Variants in NARS2 observed in about 807,000 individuals in gnomAD.
The protein encoded by NARS2 is asparaginyl-tRNA synthetase 2, mitochondrial, also known as asparaginyl-tRNA synthetase.
In NARS2, 60 loss-of-function variants were observed where a neutral mutation model predicts 62.9. That is an observed-to-expected ratio of 0.95 (90% CI 0.77 to 1.18). NARS2 has a LOEUF of 1.18. Ranked by LOEUF, NARS2 falls within the 50% of genes most tolerant of loss-of-function variation. The pLI is 0.00. For missense variants in NARS2, 619 were observed against 576.4 expected (o/e 1.07, Z -0.76); for synonymous variants, 196 against 200.0 (o/e 0.98, Z 0.17).
chr11:78,519,409 C>T (rs924902877), intron 6 of NARS2, among the ~76,000 whole-genome samples: 1 of 151,976 alleles, frequency 6.6e-6, no homozygotes, highest in African/African-American at 2.4e-5. Flanking sequence ...ACTGATTTTT[C>T]AAATCTGAAA....
chr11:78,554,244 T>C (rs1856245451), intron 5 of NARS2, among the ~76,000 whole-genome samples: 1 of 152,190 alleles, frequency 6.6e-6, no homozygotes, highest in East Asian at 1.9e-4. Flanking sequence ...ATCTTGGCTA[T>C]CTGGGCTCTG....
At chr11:78,494,326 C>A (rs1859961536) in intron 6 of NARS2, among the ~76,000 whole-genome samples, 1 of 152,092 alleles carries the variant, frequency 6.6e-6, no homozygotes, top group Admixed American at 6.5e-5. Context: ...TTTGTTAGAA[C>A]AAAGCAAGCT....
chr11:78,459,424 C>T (rs1357496354), intron 11 of NARS2, among the ~76,000 whole-genome samples: 1 of 150,804 alleles, frequency 6.6e-6, no homozygotes, highest in African/African-American at 2.5e-5. Context: ...GTGTGTACCA[C>T]CACGCCCAGC....
rs1404639387 is a variant in NARS2, at chr11:78,574,826, T to G, written c.-338A>C. Reference sequence around the variant, plus strand: ...GGGCCGCAACACGCGCAACCACTCCTACCACACCACGCCAACGCCGCTTAC... The same window carrying G: ...GGGCCGCAACACGCGCAACCACTCCGACCACACCACGCCAACGCCGCTTAC... On this transcript the variant is annotated 5_prime_UTR_variant, in exon 1 of 14. Coordinates refer to ENST00000281038, the MANE Select transcript of NARS2 (RefSeq NM_024678.6). 1.4e-5 allele frequency: 4 copies of G among 280,482 alleles called. No homozygotes were observed. The highest frequency in any genetic ancestry group is 2.0e-5 in the Non-Finnish European group (3 of 147,314). 17.4% of individuals were successfully genotyped at this position (280,482 alleles called of 1,614,324 possible).
chr11:78,465,812 A>G, intron 11 of NARS2, 64 bp downstream of exon 11: 1 of 1,525,194 alleles, frequency 6.6e-7, no homozygotes, highest in Admixed American at 1.7e-5. Flanking sequence ...AAAAGATCAC[A>G]AAGGCTAAAT....
At chr11:78,442,871 G>A (rs1194972644) in intron 12 of NARS2, among the ~76,000 whole-genome samples, 1 of 152,182 alleles carries the variant, frequency 6.6e-6, no homozygotes, top group Non-Finnish European at 1.5e-5. Context: ...TTACATAGAA[G>A]AGAATCTGAG....
intron 12 of NARS2, among the ~76,000 whole-genome samples, chr11:78,441,547 C>T (rs987836160): frequency 1.3e-5 from 2 of 151,964 alleles, no homozygotes; most frequent in Non-Finnish European, 2.9e-5. Flanking sequence ...CCCATCTCTA[C>T]TAAAAATACA....
chr11:78,481,257 G>A (rs1859343478), intron 7 of NARS2, among the ~76,000 whole-genome samples: 2 of 152,252 alleles, frequency 1.3e-5, no homozygotes, highest in South Asian at 4.1e-4. Context: ...GGGTGAGAGG[G>A]GTATAGGGGT....
chr11:78,502,991 CAAA>C (rs550751384), intron 6 of NARS2, among the ~76,000 whole-genome samples: 4 of 82,954 alleles, frequency 4.8e-5, no homozygotes, highest in Admixed American at 1.4e-4. Context: ...GAGACTGTCT[CAAA>C]AAAAAAAAAA....
At chr11:78,464,568 C>A (rs910215416) in intron 11 of NARS2, among the ~76,000 whole-genome samples, 1 of 152,078 alleles carries the variant, frequency 6.6e-6, no homozygotes, top group Non-Finnish European at 1.5e-5. Flanking sequence ...CAAGTCCCCA[C>A]CAGAGTAGCT....
chr11:78,479,736 G>A (rs1464030958), intron 7 of NARS2, among the ~76,000 whole-genome samples: 1 of 152,188 alleles, frequency 6.6e-6, no homozygotes. Flanking sequence ...TTAAAGGCAG[G>A]TATCTTCTCT....
chr11:78,487,703 C>T (rs900569917), intron 7 of NARS2, among the ~76,000 whole-genome samples: 5 of 151,778 alleles, frequency 3.3e-5, no homozygotes, highest in Non-Finnish European at 7.4e-5. Context: ...TGAAAGAAAC[C>T]GAGAAAAATG....
intron 5 of NARS2, among the ~76,000 whole-genome samples, chr11:78,534,760 A>C (rs1268703175): frequency 6.6e-6 from 1 of 152,186 alleles, no homozygotes; most frequent in South Asian, 2.1e-4. Context: ...CTCAGTAAAT[A>C]TTTCTTCAAT....
chr11:78,537,213 G>C (rs1472314832), intron 5 of NARS2, among the ~76,000 whole-genome samples: 1 of 152,180 alleles, frequency 6.6e-6, no homozygotes, highest in East Asian at 1.9e-4. Context: ...GATGCAGAGA[G>C]AGTGTGTGTG....
At chr11:78,456,046 A>G (rs570168331) in intron 11 of NARS2, among the ~76,000 whole-genome samples, 96 of 152,272 alleles carry the variant, frequency 6.3e-4, no homozygotes, top group African/African-American at 2.1e-3. Flanking sequence ...CTAATCTTAC[A>G]AAGTTAATCT....
intron 5 of NARS2, among the ~76,000 whole-genome samples, chr11:78,554,202 C>T (rs548791928): frequency 6.6e-6 from 1 of 152,182 alleles, no homozygotes; most frequent in African/African-American, 2.4e-5. Context: ...TTAGGATTGC[C>T]TTGGCTATCT....
intron 13 of NARS2, among the ~76,000 whole-genome samples, chr11:78,437,890 G>A (rs976172920): frequency 2.0e-5 from 3 of 147,882 alleles, no homozygotes; most frequent in African/African-American, 5.0e-5. Context: ...CAGAGGAGTC[G>A]CTTGAACCTG....
chr11:78,477,216 C>T (rs1859137698), intron 9 of NARS2, among the ~76,000 whole-genome samples: 1 of 152,116 alleles, frequency 6.6e-6, no homozygotes, highest in South Asian at 2.1e-4. Flanking sequence ...TTAATGACCA[C>T]TTTTATCAAT....
chr11:78,494,535 C>T (rs1366322945), intron 6 of NARS2, among the ~76,000 whole-genome samples: 2 of 146,630 alleles, frequency 1.4e-5, no homozygotes, highest in African/African-American at 5.0e-5. Context: ...TGGTGAAAAC[C>T]AAGAGATTTA....
Sources: gnomAD v4.1 joint callset for allele counts (sites outside exome capture counted in the v4.1 genomes callset) on GRCh38, gnomAD v4.1.1 for gene constraint, MANE v1.5 for transcripts, NCBI Gene and HGNC (gene_info 2026-07-23, HGNC 2026-07-21) for gene names.